Variants in SCOC observed in about 807,000 individuals in gnomAD.
SCOC encodes short coiled-coil protein.
Under a neutral mutation model 9.9 loss-of-function variants are expected in SCOC, and 7 were observed. The observed-to-expected ratio is 0.71, with a 90% CI of 0.40 to 1.33. SCOC has a LOEUF of 1.33. Among genes scored for constraint, SCOC ranks in the 40% most tolerant of loss-of-function variants. The pLI is 0.01. For synonymous variants in SCOC, 19 were observed against 28.2 expected (o/e 0.67, Z 1.03); for missense variants, 66 against 89.7 (o/e 0.74, Z 1.07).
chr4:140,310,261 A>G (rs1732112333), intron 1 of SCOC, among the ~76,000 whole-genome samples: 1 of 152,228 alleles, frequency 6.6e-6, no homozygotes, highest in Non-Finnish European at 1.5e-5. Flanking sequence ...GTGATACAAT[A>G]TTAATTAAAG....
At chr4:140,318,912 T>C (rs1237574224) in intron 1 of SCOC, among the ~76,000 whole-genome samples, 1 of 152,188 alleles carries the variant, frequency 6.6e-6, no homozygotes, top group African/African-American at 2.4e-5. Flanking sequence ...TCTTTTCTTG[T>C]CTATTCCAAG....
chr4:140,333,739 T>C (rs867737109), intron 1 of SCOC, among the ~76,000 whole-genome samples: 2 of 152,194 alleles, frequency 1.3e-5, no homozygotes, highest in East Asian at 1.9e-4. Context: ...ACATGAATAT[T>C]TGATGAATGT....
At chr4:140,362,273 C>CTGTTGTT in intron 2 of SCOC, among the ~76,000 whole-genome samples, 3 of 29,094 alleles carry the variant, frequency 1.0e-4, no homozygotes, top group African/African-American at 2.5e-4. Flanking sequence ...ACAGGTGTGT[C>CTGTTGTT]CTTACTTCTT....
intron 1 of SCOC, among the ~76,000 whole-genome samples, chr4:140,325,424 G>A (rs1049416297): frequency 2.0e-5 from 3 of 152,016 alleles, no homozygotes; most frequent in African/African-American, 4.8e-5. Context: ...TCACATATCT[G>A]ACAAAGACTC....
chr4:140,355,226 T>TATATG (rs1553940415), intron 2 of SCOC, among the ~76,000 whole-genome samples: 3 of 122,124 alleles, frequency 2.5e-5, no homozygotes, highest in Non-Finnish European at 5.0e-5. Context: ...TATATATATA[T>TATATG]ATATATATAT....
At chr4:140,275,383 G>C (rs1388525933) in intron 1 of SCOC, among the ~76,000 whole-genome samples, 1 of 152,210 alleles carries the variant, frequency 6.6e-6, no homozygotes, top group Non-Finnish European at 1.5e-5. Flanking sequence ...GTGTGTGCCT[G>C]AGACTTTGCC....
chr4:140,385,555 A>C lies in SCOC; in HGVS notation c.*4451A>C, dbSNP rs1379063290. The C allele has an allele frequency of 6.6e-6, 1 of 152,198 alleles. No individual in the cohort carries two copies. Among genetic ancestry groups the C allele is most frequent in the East Asian group, 1.9e-4 (1 of 5,198 alleles). 9.4% of individuals were successfully genotyped at this position (152,198 alleles called of 1,614,324 possible). On this transcript the variant is annotated 3_prime_UTR_variant, in exon 4 of 4. Coordinates refer to ENST00000608372, the MANE Select transcript of SCOC (RefSeq NM_001153484.2). ...CATTTAGTTCCAACTAGTTAATGTC[A>C]CATCTCTATTCCTGTCACCCTTCCC...
upstream of SCOC, chr4:140,369,321 C>G (rs757201635): frequency 2.2e-5 from 9 of 416,606 alleles, no homozygotes; most frequent in African/African-American, 4.2e-5. Flanking sequence ...AAATTCAGAA[C>G]AGCATTCATT....
upstream of SCOC, among the ~76,000 whole-genome samples, chr4:140,372,269 T>A (rs1253002063): frequency 6.6e-6 from 1 of 152,258 alleles, no homozygotes; most frequent in African/African-American, 2.4e-5. Flanking sequence ...ATTCTATGTA[T>A]ATTTCACTAC....
intron 1 of SCOC, chr4:140,374,019 G>A: frequency 1.7e-6 from 1 of 573,368 alleles, no homozygotes; most frequent in Non-Finnish European, 3.3e-6. Flanking sequence ...CTCCTGGGTC[G>A]GGAGCCGCTT....
chr4:140,358,810 T>C (rs1390093333), intron 2 of SCOC, among the ~76,000 whole-genome samples: 1 of 152,204 alleles, frequency 6.6e-6, no homozygotes, highest in Non-Finnish European at 1.5e-5. Flanking sequence ...CTTCTTAAAA[T>C]AGAATCACCA....
intron 1 of SCOC, chr4:140,376,687 T>C (rs1346979219): frequency 6.6e-6 from 1 of 152,210 alleles, no homozygotes; most frequent in South Asian, 2.1e-4. Context: ...GAAGTCACAC[T>C]GTTGCTAAAC....
At chr4:140,375,473 T>G (rs1489939102) in intron 1 of SCOC, among the ~76,000 whole-genome samples, 1 of 152,188 alleles carries the variant, frequency 6.6e-6, no homozygotes, top group Non-Finnish European at 1.5e-5. Flanking sequence ...GAGCTAGGAT[T>G]TGAATCCAGG....
At chr4:140,259,587 T>C (rs1054224847) in intron 1 of SCOC, among the ~76,000 whole-genome samples, 5 of 152,126 alleles carry the variant, frequency 3.3e-5, no homozygotes, top group African/African-American at 1.2e-4. Context: ...CATGGTAGTG[T>C]AGTCCCAGTT....
rs1560732450 is a variant in SCOC, at chr4:140,379,601, G to GA, written c.61dup (p.Thr21AsnfsTer5). ...TGCTGAAAATCAAGTGGAACTGGAG[G>GA]AAAAAACAAGACTTATTAATCAAGT... On this transcript the variant is annotated frameshift_variant, in exon 3 of 4. Transcript: ENST00000608372. LOFTEE classifies it high-confidence loss of function. 1 of 1,612,596 alleles carries GA rather than the reference G, an allele frequency of 6.2e-7. No homozygotes were observed. Among genetic ancestry groups the GA allele is most frequent in the South Asian group, 1.1e-5 (1 of 90,904 alleles).
chr4:140,315,457 G>A (rs1310808255), intron 1 of SCOC, among the ~76,000 whole-genome samples: 1 of 152,162 alleles, frequency 6.6e-6, no homozygotes, highest in Non-Finnish European at 1.5e-5. Context: ...TAGAATTGGG[G>A]TTCAAATTTG....
intron 1 of SCOC, among the ~76,000 whole-genome samples, chr4:140,337,395 T>C (rs756764474): frequency 6.6e-6 from 1 of 152,126 alleles, no homozygotes; most frequent in Non-Finnish European, 1.5e-5. Flanking sequence ...AAAATAAAGT[T>C]GGAGTACTCA....
At chr4:140,302,095 A>G (rs1047303264) in intron 1 of SCOC, among the ~76,000 whole-genome samples, 1 of 152,198 alleles carries the variant, frequency 6.6e-6, no homozygotes, top group Non-Finnish European at 1.5e-5. Flanking sequence ...GGGCCTCCCA[A>G]GGTGCTGGGA....
upstream of SCOC, among the ~76,000 whole-genome samples, chr4:140,340,731 T>G (rs191495903): frequency 6.6e-6 from 1 of 151,710 alleles, no homozygotes; most frequent in Admixed American, 6.6e-5. Context: ...GAGCCTCTTT[T>G]CCATTATAAC....
Sources: allele counts gnomAD v4.1 joint callset (sites outside exome capture counted in the v4.1 genomes callset), GRCh38; gene constraint gnomAD v4.1.1; transcripts MANE v1.5; gene names NCBI Gene and HGNC (gene_info 2026-07-23, HGNC 2026-07-21).